Variants in KPNA3 observed in about 807,000 individuals in gnomAD.
KPNA3 encodes karyopherin subunit alpha 3, also known as importin subunit alpha-4.
In KPNA3, 13 loss-of-function variants were observed where a neutral mutation model predicts 73.8. That is an observed-to-expected ratio of 0.18 (90% CI 0.11 to 0.28). KPNA3 has a LOEUF of 0.28. Ranked by LOEUF, KPNA3 falls within the 10% of genes least tolerant of loss-of-function variation. The pLI is 1.00. For synonymous variants in KPNA3, 186 were observed against 206.9 expected (o/e 0.90, Z 0.87); for missense variants, 360 against 618.1 (o/e 0.58, Z 4.43).
chr13:49,704,916 G>A (rs1256050733), intron 15 of KPNA3, among the ~76,000 whole-genome samples: 1 of 152,048 alleles, frequency 6.6e-6, no homozygotes, highest in African/African-American at 2.4e-5. Context: ...AGAATTACAT[G>A]GTAATAACAC....
chr13:49,762,834 C>A (rs1318540784), intron 1 of KPNA3, among the ~76,000 whole-genome samples: 5 of 150,828 alleles, frequency 3.3e-5, no homozygotes, highest in East Asian at 2.0e-4. Flanking sequence ...AAATCCCCCT[C>A]TGCGAGAAAC....
At chr13:49,725,646 C>CTTTT in intron 6 of KPNA3, 145 bp from the exon 7 acceptor site, 4 of 382,306 alleles carry the variant, frequency 1.0e-5, no homozygotes, top group Admixed American at 4.7e-5. Flanking sequence ...GCCAACCCTA[C>CTTTT]TTTTTTTTTT....
chr13:49,733,255 C>T (rs1484861948), intron 2 of KPNA3, among the ~76,000 whole-genome samples: 2 of 150,218 alleles, frequency 1.3e-5, no homozygotes, highest in Admixed American at 6.7e-5. Flanking sequence ...TTTACACACA[C>T]ACACTTCATT....
chr13:49,719,865 GTC>G, intron 9 of KPNA3, 46 bp from the exon 10 acceptor site: 1 of 1,267,686 alleles, frequency 7.9e-7, no homozygotes, highest in Non-Finnish European at 1.1e-6. Flanking sequence ...TAATTAATAT[GTC>G]TGTAAAAATG....
In KPNA3 at chr13:49,792,268, G is replaced by A. The variant is rs1303590553; in HGVS notation, c.69+170C>T. Among the ~76,000 whole-genome samples, 10 of 151,282 alleles carry A rather than the reference G, an allele frequency of 6.6e-5. No homozygotes were observed. In the South Asian group the frequency reaches 2.1e-3, roughly 31 times the overall value. On this transcript the variant is annotated intron_variant, in intron 1 of 16. Coordinates refer to ENST00000261667, the MANE Select transcript of KPNA3 (RefSeq NM_002267.4). ...TCCGGGGGGTGACTGCAGCCCGGCC[G>A]GCGTCTCGCCGCCCGCTCCGCCCAG...
chr13:49,733,448 C>G (rs570463177), intron 2 of KPNA3, among the ~76,000 whole-genome samples: 1 of 152,170 alleles, frequency 6.6e-6, no homozygotes, highest in East Asian at 1.9e-4. Flanking sequence ...GCCACCACAC[C>G]TGGCTAATTT....
At chr13:49,713,996 G>A (rs372754528) in intron 10 of KPNA3, among the ~76,000 whole-genome samples, 10 of 152,140 alleles carry the variant, frequency 6.6e-5, no homozygotes, top group Admixed American at 4.6e-4. Flanking sequence ...GAGCCAAAAC[G>A]CCTGGCCTAA....
intron 7 of KPNA3, among the ~76,000 whole-genome samples, chr13:49,723,429 G>T (rs1338765726): frequency 2.6e-5 from 4 of 151,856 alleles, no homozygotes; most frequent in Non-Finnish European, 5.9e-5. Context: ...AATTAGCCGG[G>T]CGTGGTGGTG....
chr13:49,705,864 G>A, intron 14 of KPNA3, 81 bp from the exon 15 acceptor site: 1 of 1,257,296 alleles, frequency 8.0e-7, no homozygotes, highest in Non-Finnish European at 1.1e-6. Context: ...ATGGAAGGCT[G>A]AGGCAGGAGG....
chr13:49,722,430 A>G (rs1481697016), intron 8 of KPNA3, 47 bp downstream of exon 8: 1 of 1,332,586 alleles, frequency 7.5e-7, no homozygotes, highest in African/African-American at 1.5e-5. Context: ...CAATGTAGGA[A>G]AAAAGTTAAT....
At chr13:49,779,860 A>G (rs1594463102) in intron 1 of KPNA3, among the ~76,000 whole-genome samples, 1 of 152,274 alleles carries the variant, frequency 6.6e-6, no homozygotes, top group Middle Eastern at 3.4e-3. Flanking sequence ...AATACAATGA[A>G]TGGCTTATTG....
intron 1 of KPNA3, among the ~76,000 whole-genome samples, chr13:49,782,061 G>A (rs977563295): frequency 1.3e-5 from 2 of 152,160 alleles, no homozygotes; most frequent in Non-Finnish European, 2.9e-5. Flanking sequence ...AGATTTAAAT[G>A]CCAGGGACAA....
At chr13:49,743,624 A>G (rs1484787104) in intron 2 of KPNA3, among the ~76,000 whole-genome samples, 1 of 152,000 alleles carries the variant, frequency 6.6e-6, no homozygotes, top group Non-Finnish European at 1.5e-5. Context: ...TAAGGTGAAT[A>G]TTTAAAAAGA....
chr13:49,752,437 A>G (rs1954670786), intron 1 of KPNA3, among the ~76,000 whole-genome samples: 1 of 152,228 alleles, frequency 6.6e-6, no homozygotes, highest in Non-Finnish European at 1.5e-5. Flanking sequence ...ATGCTGTAAG[A>G]AATGAGAGAA....
chr13:49,772,008 T>C (rs1370948730), intron 1 of KPNA3, among the ~76,000 whole-genome samples: 3 of 152,238 alleles, frequency 2.0e-5, no homozygotes, highest in African/African-American at 7.2e-5. Flanking sequence ...ATACAATTGA[T>C]TTTGTATACT....
intron 16 of KPNA3, 37 bp from the exon 17 acceptor site, chr13:49,701,935 G>A (rs1331801058): frequency 1.5e-6 from 2 of 1,343,114 alleles, no homozygotes; most frequent in East Asian, 4.6e-5. Flanking sequence ...ATTAGGTTAT[G>A]ATACTATACA....
At chr13:49,759,417 G>A (rs1172428429) in intron 1 of KPNA3, among the ~76,000 whole-genome samples, 5 of 152,186 alleles carry the variant, frequency 3.3e-5, no homozygotes, top group African/African-American at 1.2e-4. Context: ...GGAAGTAGAA[G>A]GAGTGGTTTC....
intron 10 of KPNA3, among the ~76,000 whole-genome samples, chr13:49,711,891 C>A (rs765500484): frequency 6.6e-6 from 1 of 152,146 alleles, no homozygotes; most frequent in Non-Finnish European, 1.5e-5. Flanking sequence ...ATAACCCACA[C>A]CCCTTCAGCA....
Position 49,761,509 on chromosome 13 carries a change from A to G in KPNA3, c.70-14516T>C, listed in dbSNP as rs867712410. On this transcript the variant is annotated intron_variant, in intron 1 of 16. Coordinates refer to ENST00000261667, the MANE Select transcript of KPNA3 (RefSeq NM_002267.4). ...GCCAGCCTCGGCCTCCCGAGGTGCC[A>G]GGATTGCAGACGGAGTCTCGTTCAC... is the stretch of plus-strand genomic sequence containing the variant. 6.7e-4 allele frequency among the ~76,000 whole-genome samples: 98 copies of G among 146,302 alleles called. 1 individual carries two copies. The highest frequency in any genetic ancestry group is 2.2e-3 in the South Asian group (10 of 4,556).
Sources: allele counts gnomAD v4.1 joint callset (sites outside exome capture counted in the v4.1 genomes callset), GRCh38; gene constraint gnomAD v4.1.1; transcripts MANE v1.5; gene names NCBI Gene and HGNC (gene_info 2026-07-23, HGNC 2026-07-21).